Variants in RNASEH2B observed in about 807,000 individuals in gnomAD.
RNASEH2B encodes Aicardi-Goutieres syndrome 2 protein.
RNASEH2B carries 36 observed loss-of-function variants against 45.0 expected under a neutral mutation model. That is an observed-to-expected ratio of 0.80 (90% CI 0.61 to 1.06). RNASEH2B has a LOEUF of 1.06. Ranked by LOEUF, RNASEH2B falls within the 50% of genes least tolerant of loss-of-function variation. The pLI is 0.00. For missense variants in RNASEH2B, 361 were observed against 360.3 expected (o/e 1.00, Z -0.02); for synonymous variants, 119 against 125.7 (o/e 0.95, Z 0.35).
At chr13:50,960,837 A>G (rs897135807), downstream of RNASEH2B, among the ~76,000 whole-genome samples, 3 of 152,178 alleles carry the variant, frequency 2.0e-5, no homozygotes, top group Non-Finnish European at 2.9e-5. Context: ...TTCATTTTGC[A>G]TTATTATATT....
At chr13:50,952,665 TG>T (rs1472254312) in intron 9 of RNASEH2B, 5 of 152,214 alleles carry the variant, frequency 3.3e-5, no homozygotes, top group African/African-American at 9.7e-5. Context: ...CCTCCCAAAG[TG>T]CTGGGATTAC....
intron 1 of RNASEH2B, among the ~76,000 whole-genome samples, chr13:50,915,012 C>T (rs1209163149): frequency 6.6e-6 from 1 of 152,178 alleles, no homozygotes; most frequent in African/African-American, 2.4e-5. Flanking sequence ...GGTTTACTTC[C>T]TCACTATAAA....
In RNASEH2B at chr13:50,910,124, C is replaced by G. The variant is rs1879264931; in HGVS notation, c.48C>G (p.His16Gln). The change falls in exon 1 of 11, where the codon CAC (histidine) becomes CAG (glutamine). Residue 16 changes from histidine (H) to glutamine (Q), a missense_variant. Coordinates refer to ENST00000336617, the MANE Select transcript of RNASEH2B (RefSeq NM_024570.4). ...GGGACGGGGTTGGCGCCCGGCAGCACGTGTTCCTGGTTTCAGGTAAACACG... is the reference window on the plus strand; with the variant it reads ...GGGACGGGGTTGGCGCCCGGCAGCAGGTGTTCCTGGTTTCAGGTAAACACG... ...DCGDGVGARQ[H>Q]VFLVSEYLKD... is the part of the protein sequence containing the mutation. The G allele has an allele frequency of 2.1e-6, 3 of 1,455,676 alleles. No homozygotes were observed. The highest frequency in any genetic ancestry group is 2.7e-6 in the Non-Finnish European group (3 of 1,104,988). 90.2% of individuals were successfully genotyped at this position (1,455,676 alleles called of 1,614,324 possible). A position where few individuals can be genotyped will look rare whatever the true frequency, so the allele number is the denominator to read the frequency against.
chr13:50,951,113 T>C (rs1012299768), intron 9 of RNASEH2B: 7 of 152,270 alleles, frequency 4.6e-5, no homozygotes, highest in African/African-American at 1.7e-4. Context: ...AGCCCTGATT[T>C]TGATTTTGGC....
At chr13:50,911,575 T>C (rs1232463351) in intron 1 of RNASEH2B, 1 of 151,854 alleles carries the variant, frequency 6.6e-6, no homozygotes, top group Admixed American at 6.6e-5. Flanking sequence ...GTTAAATGGT[T>C]TTCCAAAGTG....
intron 1 of RNASEH2B, 22 bp from the exon 2 acceptor site, chr13:50,927,385 G>T: frequency 7.1e-7 from 1 of 1,400,650 alleles, no homozygotes; most frequent in South Asian, 1.2e-5. Flanking sequence ...TTTAATTTTA[G>T]ATATTCACGG....
At chr13:50,968,008 A>G (rs1952182221) in intron 9 of RNASEH2B, among the ~76,000 whole-genome samples, 3 of 152,186 alleles carry the variant, frequency 2.0e-5, no homozygotes, top group Admixed American at 2.0e-4. Flanking sequence ...ACACTTGGAG[A>G]TTACACAGTC....
At chr13:50,947,449 A>C (rs1001644703) in intron 7 of RNASEH2B, among the ~76,000 whole-genome samples, 1 of 151,388 alleles carries the variant, frequency 6.6e-6, no homozygotes, top group Non-Finnish European at 1.5e-5. Context: ...ATATAGAACA[A>C]TATGTATGTA....
intron 9 of RNASEH2B, 54 bp downstream of exon 9, chr13:50,949,559 T>C (rs571254594): frequency 2.7e-6 from 4 of 1,479,470 alleles, no homozygotes; most frequent in East Asian, 2.3e-5. Flanking sequence ...TATTACACTC[T>C]TACCACATGA....
At chr13:50,916,140 A>G (rs1879730193) in intron 1 of RNASEH2B, among the ~76,000 whole-genome samples, 1 of 152,114 alleles carries the variant, frequency 6.6e-6, no homozygotes. Flanking sequence ...CACCCAAAAT[A>G]AAAATTTTGG....
At chr13:50,940,899 G>C (rs542752534) in intron 5 of RNASEH2B, 6 of 152,310 alleles carry the variant, frequency 3.9e-5, no homozygotes, top group Middle Eastern at 3.4e-3. Context: ...TAGTGATCTT[G>C]GTAAAGTGAA....
At chr13:50,937,376 C>T (rs1951768261) in intron 5 of RNASEH2B, 1 of 152,150 alleles carries the variant, frequency 6.6e-6, no homozygotes, top group African/African-American at 2.4e-5. Context: ...CACAAGCCAC[C>T]ACACCTGGCT....
At chr13:50,943,127 A>T in intron 5 of RNASEH2B, 194 bp from the exon 6 acceptor site, 1 of 512,380 alleles carries the variant, frequency 2.0e-6, no homozygotes. Context: ...TTAGTGGTTG[A>T]TGACTCCTGA....
At chr13:50,931,462 A>G (rs1022621536) in intron 4 of RNASEH2B, among the ~76,000 whole-genome samples, 10 of 152,364 alleles carry the variant, frequency 6.6e-5, no homozygotes, top group Admixed American at 5.2e-4. Context: ...ACATGTTAAC[A>G]TAAATAACAC....
Position 50,909,807 on chromosome 13 carries a change from G to A in RNASEH2B, c.-270G>A, listed in dbSNP as rs1031462163. Reference sequence around the variant, plus strand: ...GCACCTACCACTAGCGGAGCCGCGAGGGAGAGGCCGCGGCCCCTTCCCGTT... The same window carrying A: ...GCACCTACCACTAGCGGAGCCGCGAAGGAGAGGCCGCGGCCCCTTCCCGTT... On this transcript the variant is annotated 5_prime_UTR_variant, in exon 1 of 11. Coordinates refer to ENST00000336617, the MANE Select transcript of RNASEH2B (RefSeq NM_024570.4). 1 of 377,182 alleles carries A rather than the reference G, an allele frequency of 2.7e-6. No homozygotes were observed. The highest frequency in any genetic ancestry group is 4.9e-5 in the Admixed American group (1 of 20,540). The allele number at this position is 377,182 out of a possible 1,614,324, so 23.4% of individuals were successfully genotyped here.
At chr13:50,929,226 T>C (rs1208269563) in intron 2 of RNASEH2B, among the ~76,000 whole-genome samples, 1 of 152,222 alleles carries the variant, frequency 6.6e-6, no homozygotes, top group Non-Finnish European at 1.5e-5. Flanking sequence ...TTTGTATTAG[T>C]TAAGATAAAT....
At chr13:50,917,316 C>T (rs1244332810) in intron 1 of RNASEH2B, among the ~76,000 whole-genome samples, 2 of 152,228 alleles carry the variant, frequency 1.3e-5, no homozygotes, top group African/African-American at 2.4e-5. Context: ...AAACCTCAGC[C>T]ACTCATGAGC....
chr13:50,956,372 G>T lies in RNASEH2B; in HGVS notation c.837G>T (p.Met279Ile). ...DLKTEKKNSKMTAAQKALAKV... is the reference protein window; with the variant it reads ...DLKTEKKNSKITAAQKALAKV... ...TTCATTAACAGAAAAATAGCAAAAT[G>T]ACTGCAGCTCAGAAGGCTTTGGCTA... The change falls in exon 11 of 11, where the codon ATG (methionine) becomes ATT (isoleucine). Residue 279 changes from methionine to isoleucine, a missense_variant. Coordinates refer to ENST00000336617, the MANE Select transcript of RNASEH2B (RefSeq NM_024570.4). 6.2e-7 allele frequency: 1 copy of T among 1,600,348 alleles called. No homozygotes were observed. The highest frequency in any genetic ancestry group is 1.1e-5 in the South Asian group (1 of 89,664).
At chr13:50,939,516 T>C (rs999622568) in intron 5 of RNASEH2B, among the ~76,000 whole-genome samples, 2 of 152,110 alleles carry the variant, frequency 1.3e-5, no homozygotes, top group African/African-American at 2.4e-5. Flanking sequence ...TGAGACCCTG[T>C]CCCTAAATTT....
Sources: gnomAD v4.1 joint callset for allele counts (sites outside exome capture counted in the v4.1 genomes callset) on GRCh38, gnomAD v4.1.1 for gene constraint, MANE v1.5 for transcripts, NCBI Gene and HGNC (gene_info 2026-07-23, HGNC 2026-07-21) for gene names.